GPRIN3: variants seen among roughly 807,000 people sequenced by gnomAD.
GPRIN3 encodes GPRIN family member 3, also known as G protein-regulated inducer of neurite outgrowth 3.
A neutral mutation model predicts 13.7 loss-of-function variants in GPRIN3; 12 were observed. The observed-to-expected ratio is 0.87, with a 90% CI of 0.56 to 1.42. GPRIN3 has a LOEUF of 1.42. GPRIN3 is among the 40% of genes most tolerant of loss of function. The pLI, the probability that GPRIN3 is intolerant of heterozygous loss-of-function variation, is 0.00. For synonymous variants in GPRIN3, 377 were observed against 372.7 expected, an observed-to-expected ratio of 1.01 and a Z score of -0.13; for missense variants, 1,009 against 958.7, an observed-to-expected ratio of 1.05 and a Z score of -0.69.
At chr4:89,253,458 G>A (rs1031885645) in intron 1 of GPRIN3, among the ~76,000 whole-genome samples, 3 of 152,166 alleles carry the variant, frequency 2.0e-5, no homozygotes, top group African/African-American at 7.2e-5. Context: ...ACGAAAAGTT[G>A]GAAGGTCTCA....
chr4:89,305,163 C>T (rs567423351), intron 1 of GPRIN3, among the ~76,000 whole-genome samples: 153 of 152,248 alleles, frequency 1.0e-3, no homozygotes, highest in Middle Eastern at 6.8e-3. Flanking sequence ...TCTTTATGTA[C>T]TCACACTGTT....
intron 1 of GPRIN3, among the ~76,000 whole-genome samples, chr4:89,285,430 G>T (rs1275879017): frequency 6.6e-6 from 1 of 152,054 alleles, no homozygotes; most frequent in Non-Finnish European, 1.5e-5. Context: ...CATGTGGCAT[G>T]GCCAGCCTCG....
chr4:89,299,316 T>C (rs114718556), intron 1 of GPRIN3, among the ~76,000 whole-genome samples: 3 of 152,186 alleles, frequency 2.0e-5, no homozygotes, highest in African/African-American at 4.8e-5. Flanking sequence ...ACCGACACTT[T>C]AGGATTAATA....
intron 1 of GPRIN3, among the ~76,000 whole-genome samples, chr4:89,300,947 A>AT (rs1335517570): frequency 6.6e-6 from 1 of 152,184 alleles, no homozygotes; most frequent in African/African-American, 2.4e-5. Flanking sequence ...TAGCTGCTTC[A>AT]TTTTTACCTG....
rs1386539724 is a variant in GPRIN3 at position 89,245,321 on chromosome 4, C to T, written c.*2459G>A. The T allele has an allele frequency of 6.6e-6, 1 of 152,074 alleles. No individual in the cohort carries two copies. Among genetic ancestry groups the T allele is most frequent in the Non-Finnish European group, 1.5e-5 (1 of 68,024 alleles). 9.4% of individuals were successfully genotyped at this position (152,074 alleles called of 1,614,324 possible). A position where few individuals can be genotyped will look rare whatever the true frequency, so the allele number is the denominator to read the frequency against. ...GTGTTGTAGAAGTGAAGAATTTGGT[C>T]CCAGCACCAAAGAAAATCAGTTAAA... On this transcript the variant is annotated 3_prime_UTR_variant, in exon 2 of 2. Coordinates refer to ENST00000609438, the MANE Select transcript of GPRIN3 (RefSeq NM_198281.3).
rs1357205912 is a variant in GPRIN3, at chr4:89,249,457, T to C, written c.654A>G (p.Gly218=). Residue 218 remains glycine (G), a synonymous_variant, in exon 2 of 2, where the codon GGA becomes GGG. Coordinates refer to ENST00000609438, the MANE Select transcript of GPRIN3 (RefSeq NM_198281.3). ...TGGCTCCCTGCCTTTCCCCTTCAGG[T>C]CCACCTACAGGAGAGGATGAGTGAC... ...VVSHSSSPVG[G]PEGERQGAIC... is the part of the protein sequence containing the mutation. The C allele has an allele frequency of 6.2e-7, 1 of 1,613,964 alleles. No homozygotes were observed. The highest frequency in any genetic ancestry group is 2.2e-5 in the East Asian group (1 of 44,876).
chr4:89,294,317 T>C (rs1473127779), intron 1 of GPRIN3, among the ~76,000 whole-genome samples: 5 of 152,110 alleles, frequency 3.3e-5, no homozygotes, highest in African/African-American at 1.2e-4. Context: ...GAGGCAAAGG[T>C]GGGAGAATCA....
Position 89,249,306 on chromosome 4 carries a change from G to C in GPRIN3, c.805C>G (p.Pro269Ala). 1.2e-6 allele frequency: 2 copies of C among 1,614,092 alleles called. No individual in the cohort carries two copies. Among genetic ancestry groups the C allele is most frequent in the East Asian group, 2.2e-5 (1 of 44,880 alleles). The stretch of plus-strand genomic sequence containing the variant: ...CATGCCGAAGGTTCGCTAGTGAGGG[G>C]GGTTGGTTGAGGTGTCACAGAAGTT... ...GTTSVTPQPTPLTSEPSACPP... is the reference protein window; with the variant it reads ...GTTSVTPQPTALTSEPSACPP... Residue 269 changes from proline (P) to alanine (A), a missense_variant, in exon 2 of 2, where the codon CCC (proline) becomes GCC (alanine). By Grantham distance (27) the Pro-to-Ala change is conservative (BLOSUM62 -1). Coordinates refer to ENST00000609438, the MANE Select transcript of GPRIN3 (RefSeq NM_198281.3).
intron 1 of GPRIN3, among the ~76,000 whole-genome samples, chr4:89,253,213 C>T (rs1723378942): frequency 6.6e-6 from 1 of 152,108 alleles, no homozygotes; most frequent in Non-Finnish European, 1.5e-5. Flanking sequence ...AGTGCAGGGT[C>T]TTGTGCATAA....
chr4:89,258,084 G>T (rs1438986381), intron 1 of GPRIN3, among the ~76,000 whole-genome samples: 4 of 151,240 alleles, frequency 2.6e-5, no homozygotes, highest in African/African-American at 9.7e-5. Flanking sequence ...GGAGCCCTGA[G>T]AACCTAGGAA....
At chr4:89,293,767 C>G (rs890836898) in intron 1 of GPRIN3, among the ~76,000 whole-genome samples, 1 of 152,164 alleles carries the variant, frequency 6.6e-6, no homozygotes, top group Non-Finnish European at 1.5e-5. Context: ...CCAGATGTGA[C>G]GTGAAAGCGA....
chr4:89,262,789 T>A (rs1723669796), intron 1 of GPRIN3, among the ~76,000 whole-genome samples: 1 of 152,208 alleles, frequency 6.6e-6, no homozygotes, highest in Non-Finnish European at 1.5e-5. Flanking sequence ...GACTCCTGTT[T>A]ATTAGTTGAT....
chr4:89,253,444 T>A (rs1723385365), intron 1 of GPRIN3, among the ~76,000 whole-genome samples: 1 of 152,206 alleles, frequency 6.6e-6, no homozygotes, highest in Admixed American at 6.5e-5. Context: ...GCTGAACACC[T>A]GCTACGAAAA....
At chr4:89,256,578 C>T (rs187732949) in intron 1 of GPRIN3, among the ~76,000 whole-genome samples, 2 of 152,266 alleles carry the variant, frequency 1.3e-5, no homozygotes, top group East Asian at 1.9e-4. Flanking sequence ...CGACAGGAGG[C>T]TGATGTAGTG....
chr4:89,260,471 C>G (rs1430197093), intron 1 of GPRIN3, among the ~76,000 whole-genome samples: 1 of 152,202 alleles, frequency 6.6e-6, no homozygotes, highest in African/African-American at 2.4e-5. Flanking sequence ...TCTTGCTTTA[C>G]AGTCTGTAAA....
chr4:89,246,377 T>G lies in GPRIN3; in HGVS notation c.*1403A>C, dbSNP rs535273577. On this transcript the variant is annotated 3_prime_UTR_variant, in exon 2 of 2. Transcript: ENST00000609438. ...AAGGCTTCCCAGGGCCGTTGTTCAT[T>G]CTTCCTTTCCACACTACCCCAATTC... 4.4e-4 allele frequency: 67 copies of G among 152,236 alleles called. No individual in the cohort carries two copies. The highest frequency in any genetic ancestry group is 1.5e-3 in the African/African-American group (63 of 41,528). The allele number at this position is 152,236 out of a possible 1,614,324, so 9.4% of individuals were successfully genotyped here.
Position 89,249,834 on chromosome 4 carries a change from T to C in GPRIN3, c.277A>G (p.Thr93Ala), listed in dbSNP as rs772780745. ...VFNEVQKAPA[T>A]FNSPGNPQLP... ...TGGGGATTGCCGGGAGAGTTGAATG[T>C]GGCAGGTGCTTTCTGCACTTCATTG... The change falls in exon 2 of 2, where the codon ACA becomes GCA. Residue 93 changes from threonine (T) to alanine (A), a missense_variant. Coordinates refer to ENST00000609438, the MANE Select transcript of GPRIN3 (RefSeq NM_198281.3). The C allele has an allele frequency of 2.5e-6, 4 of 1,614,198 alleles. No homozygotes were observed. The highest frequency in any genetic ancestry group is 2.2e-5 in the South Asian group (2 of 91,082).
chr4:89,255,186 A>ATATCAGTTCCACCACCTAGCTT lies in GPRIN3; in HGVS notation c.-123-4975_-123-4954dup, dbSNP rs146836928. On this transcript the variant is annotated intron_variant, in intron 1 of 1. Coordinates refer to ENST00000609438, the MANE Select transcript of GPRIN3 (RefSeq NM_198281.3). ...TCTGGGGCAGACTCCTTGGATTAGA[A>ATATCAGTTCCACCACCTAGCTT]TATCAGTTCCACCACCTAGCTTTAG... Among the ~76,000 whole-genome samples, 201 of 152,264 alleles carry ATATCAGTTCCACCACCTAGCTT rather than the reference A, an allele frequency of 1.3e-3. 4 individuals carry two copies. The East Asian group carries it at 0.029, about 22-fold the overall frequency.
At chr4:89,290,806 C>A (rs1434028909) in intron 1 of GPRIN3, among the ~76,000 whole-genome samples, 1 of 152,166 alleles carries the variant, frequency 6.6e-6, no homozygotes, top group African/African-American at 2.4e-5. Flanking sequence ...TAAATAATTT[C>A]TCTCAGCTTC....
Sources: allele counts gnomAD v4.1 joint callset (sites outside exome capture counted in the v4.1 genomes callset), GRCh38; gene constraint gnomAD v4.1.1; transcripts MANE v1.5; gene names NCBI Gene and HGNC (gene_info 2026-07-23, HGNC 2026-07-21).